The following ASCC2 variants were observed in gnomAD, a reference collection of about 807,000 sequenced individuals.
ASCC2 encodes the protein ASC-1 complex subunit P100.
Under a neutral mutation model 93.5 loss-of-function variants are expected in ASCC2, and 42 were observed. That is an observed-to-expected ratio of 0.45 (90% CI 0.35 to 0.58). The LOEUF (loss-of-function observed/expected upper bound fraction) is 0.58. ASCC2 is among the 20% of genes least tolerant of loss of function. The pLI is 0.00. For synonymous variants in ASCC2, 364 were observed against 384.2 expected, an observed-to-expected ratio of 0.95 and a Z score of 0.62; for missense variants, 859 against 977.6, an observed-to-expected ratio of 0.88 and a Z score of 1.62.
At chr22:29,827,732 C>G in intron 2 of ASCC2, 1 of 414,702 alleles carries the variant, frequency 2.4e-6, no homozygotes, top group Non-Finnish European at 5.0e-6. Flanking sequence ...TCACTTCTCA[C>G]TCAGGCCAGG....
chr22:29,792,580 G>A (rs1246493929), intron 17 of ASCC2, 45 bp from the exon 18 acceptor site: 1 of 1,609,552 alleles, frequency 6.2e-7, no homozygotes, highest in South Asian at 1.1e-5. Flanking sequence ...GGTTCAACCA[G>A]GAGCAAGAGC....
chr22:29,793,234 A>T (rs2057995324), intron 17 of ASCC2, 126 bp downstream of exon 17: 23 of 1,348,382 alleles, frequency 1.7e-5, no homozygotes, highest in Non-Finnish European at 2.4e-5. Flanking sequence ...GGAGCACTGG[A>T]TTAGGAGTCA....
chr22:29,820,010 C>T (rs2061362286), intron 5 of ASCC2, among the ~76,000 whole-genome samples: 2 of 151,916 alleles, frequency 1.3e-5, no homozygotes, highest in Admixed American at 6.6e-5. Flanking sequence ...CAGGGGCATG[C>T]CACCACGCCT....
Position 29,825,379 on chromosome 22 carries a change from G to A in ASCC2, c.241-122C>T, listed in dbSNP as rs2148238214. On this transcript the variant is annotated intron_variant, in intron 3 of 19. Coordinates refer to ENST00000307790, the MANE Select transcript of ASCC2 (RefSeq NM_032204.5). The surrounding 1 kb of genome is among the most constrained non-coding windows in gnomAD (Gnocchi z 4.9). ...CTATTCCAAACACTCCGACCCCAAG[G>A]GACCAAGGAGGTATGAATGAGCCAA... 1.5e-6 allele frequency: 2 copies of A among 1,297,202 alleles called. No homozygotes were observed. The highest frequency in any genetic ancestry group is 1.5e-5 in the South Asian group (1 of 67,914). The allele number at this position is 1,297,202 out of a possible 1,614,324, so 80.4% of individuals were successfully genotyped here. A position where few individuals can be genotyped will look rare whatever the true frequency, so the allele number is the denominator to read the frequency against.
intron 1 of ASCC2, among the ~76,000 whole-genome samples, chr22:29,837,820 C>T (rs970608671): frequency 1.3e-5 from 2 of 152,244 alleles, no homozygotes; most frequent in African/African-American, 4.8e-5. Context: ...GGGCAGAAGC[C>T]TTGTCTGTCT....
In ASCC2 at chr22:29,832,287, G is replaced by C. The variant is rs1379399048; in HGVS notation, c.39C>G (p.His13Gln). The C allele has an allele frequency of 6.2e-7, 1 of 1,614,114 alleles. No individual in the cohort carries two copies. The change falls in exon 2 of 20, where the codon CAC becomes CAG. Residue 13 changes from histidine to glutamine, a missense_variant. Transcript: ENST00000307790. ...TCAGCTTTCCTGTCTTCGGGTCCTT[G>C]TGGGTGATCTGGAGTTGGTCCAGGG... ...ALPLDQLQIT[H>Q]KDPKTGKLRT... is the part of the protein sequence containing the mutation.
At chr22:29,806,415 G>T (rs1333035225) in intron 11 of ASCC2, 70 bp downstream of exon 11, 3 of 1,577,116 alleles carry the variant, frequency 1.9e-6, no homozygotes, top group South Asian at 2.2e-5. Flanking sequence ...TATAGCGGGG[G>T]TCTATCATGT....
intron 5 of ASCC2, among the ~76,000 whole-genome samples, chr22:29,819,587 GGAATA>G (rs1271718820): frequency 6.6e-6 from 1 of 152,208 alleles, no homozygotes; most frequent in East Asian, 1.9e-4. Context: ...GACACAGCCA[GGAATA>G]GAGCTGTGGT....
intron 15 of ASCC2, among the ~76,000 whole-genome samples, chr22:29,796,281 T>C (rs1333630591): frequency 1.3e-5 from 2 of 152,296 alleles, no homozygotes; most frequent in East Asian, 3.9e-4. Context: ...GCTAATTTTT[T>C]GTATTTTTTT....
At chr22:29,791,772 G>A (rs1051278303) in intron 18 of ASCC2, among the ~76,000 whole-genome samples, 4 of 152,228 alleles carry the variant, frequency 2.6e-5, no homozygotes, top group Non-Finnish European at 5.9e-5. Context: ...TGCCTGAGAA[G>A]CAGATAAATC....
intron 18 of ASCC2, 123 bp downstream of exon 18, chr22:29,792,310 C>G: frequency 1.3e-6 from 2 of 1,509,016 alleles, no homozygotes; most frequent in Non-Finnish European, 8.9e-7. Flanking sequence ...AGGGACTCCT[C>G]CTGTCCCTGC....
At position 29,790,472 on chromosome 22, in the gene ASCC2, T is replaced by C; in HGVS notation, c.2099A>G (p.Lys700Arg). 2.5e-6 allele frequency: 4 copies of C among 1,614,058 alleles called. No individual in the cohort carries two copies. Among genetic ancestry groups the C allele is most frequent in the Non-Finnish European group, 3.4e-6 (4 of 1,179,990 alleles). The change falls in exon 19 of 20, where the codon AAA becomes AGA. Residue 700 changes from lysine (K) to arginine (R), a missense_variant. Physicochemically the swap from Lys to Arg is conservative, Grantham distance 26. Transcript: ENST00000307790. ...EARRMAFLAK[K>R]GYRHDSSTAV... ...AAGCAGCCCCTTGAATGCTCACCCT[T>C]TCTTGGCGAGAAAGGCCATGCGCCT... is the stretch of plus-strand genomic sequence containing the variant.
intron 8 of ASCC2, among the ~76,000 whole-genome samples, chr22:29,811,302 G>A (rs1322364323): frequency 6.6e-6 from 1 of 152,084 alleles, no homozygotes; most frequent in Non-Finnish European, 1.5e-5. Context: ...CATATCTCTG[G>A]AAAATTCCAC....
At chr22:29,826,003 G>A (rs530945396) in intron 2 of ASCC2, 19 of 484,118 alleles carry the variant, frequency 3.9e-5, no homozygotes, top group Middle Eastern at 5.3e-4. Context: ...TTAATGACAC[G>A]GGGAAAGGTT....
At chr22:29,805,858 C>T (rs2059612279) in intron 12 of ASCC2, among the ~76,000 whole-genome samples, 1 of 151,788 alleles carries the variant, frequency 6.6e-6, no homozygotes, top group South Asian at 2.1e-4. Context: ...TGAGGCGCCA[C>T]CTCTGGTTTC....
chr22:29,794,954 CT>C (rs57206077), intron 15 of ASCC2, among the ~76,000 whole-genome samples: 745 of 141,528 alleles, frequency 5.3e-3, no homozygotes, highest in Admixed American at 4.9e-3. Flanking sequence ...TTGTCTAAAT[CT>C]TTTTTTTTTT....
chr22:29,807,552 T>A (rs2059818220), intron 9 of ASCC2, among the ~76,000 whole-genome samples: 2 of 152,188 alleles, frequency 1.3e-5, no homozygotes, highest in Non-Finnish European at 2.9e-5. Context: ...CATAATTGCC[T>A]TAGTACAAGC....
intron 15 of ASCC2, among the ~76,000 whole-genome samples, chr22:29,798,854 A>G (rs2058751231): frequency 6.6e-6 from 1 of 152,216 alleles, no homozygotes; most frequent in Non-Finnish European, 1.5e-5. Context: ...TAAATCTCTT[A>G]ATAAATATTT....
At chr22:29,808,471 C>T (rs2059930384) in intron 8 of ASCC2, among the ~76,000 whole-genome samples, 1 of 152,180 alleles carries the variant, frequency 6.6e-6, no homozygotes, top group Admixed American at 6.5e-5. Context: ...CACTCGGAAC[C>T]CACTGAAGTT....
Sources: allele counts gnomAD v4.1 joint callset (sites outside exome capture counted in the v4.1 genomes callset), GRCh38; gene constraint gnomAD v4.1.1; non-coding constraint Gnocchi (gnomAD v3.1); transcripts MANE v1.5; gene names NCBI Gene and HGNC (gene_info 2026-07-23, HGNC 2026-07-21).